Variants in PTPN14 observed in about 807,000 individuals in gnomAD.
The protein encoded by PTPN14 is protein tyrosine phosphatase non-receptor type 14, also known as tyrosine-protein phosphatase non-receptor type 14.
PTPN14 carries 53 observed loss-of-function variants against 126.8 expected under a neutral mutation model. The ratio of observed to expected loss-of-function variants is 0.42; its 90% CI spans 0.34 to 0.53. The LOEUF (loss-of-function observed/expected upper bound fraction) is 0.53, where lower values mean the gene tolerates loss of function less well. Among genes scored for constraint, PTPN14 ranks in the 20% least tolerant of loss-of-function variants. The probability of loss-of-function intolerance (pLI) is 0.08; values close to 1 mark genes in which losing one functional copy is unlikely to be tolerated. For synonymous variants in PTPN14, 630 were observed against 599.3 expected, an observed-to-expected ratio of 1.05 and a Z score of -0.75; for missense variants, 1,257 against 1,552.9, an observed-to-expected ratio of 0.81 and a Z score of 3.20.
chr1:214,454,201 G>A (rs6668558), intron 2 of PTPN14, among the ~76,000 whole-genome samples: 8,710 of 152,234 alleles, frequency 0.057, 300 homozygotes, highest in South Asian at 0.15. Flanking sequence ...TGGAGAAACA[G>A]AGGGCAACTT....
Position 214,481,232 on chromosome 1 carries a change from G to A in PTPN14, c.-154-16275C>T, listed in dbSNP as rs1296818482. ...AGCACAAGAATAAAAACTGCCGGGC[G>A]CAGTGGCTCACGCCTATAATCCCCA... On this transcript the variant is annotated intron_variant, in intron 1 of 18. Transcript: ENST00000366956. 3.9e-5 allele frequency among the ~76,000 whole-genome samples: 6 copies of A among 152,258 alleles called. No individual in the cohort carries two copies. In the South Asian group the frequency reaches 8.3e-4, roughly 21 times the overall value.
intron 3 of PTPN14, among the ~76,000 whole-genome samples, chr1:214,450,270 G>A (rs1271846135): frequency 4.6e-5 from 7 of 151,720 alleles, no homozygotes; most frequent in South Asian, 2.1e-4. Context: ...TCAGGAGTTC[G>A]AGACCAGCCT....
At chr1:214,520,330 G>A (rs140663312) in intron 1 of PTPN14, among the ~76,000 whole-genome samples, 172 of 152,006 alleles carry the variant, frequency 1.1e-3, no homozygotes, top group African/African-American at 3.5e-3. Context: ...TAAAAATGAC[G>A]AAACTGAGAA....
In PTPN14 at chr1:214,383,862, TG is replaced by T; in HGVS notation, c.1992del (p.Met665TrpfsTer40). 6.2e-7 allele frequency: 1 copy of T among 1,612,818 alleles called. No individual in the cohort carries two copies. On this transcript the variant is annotated frameshift_variant, in exon 13 of 19. Transcript: ENST00000366956. LOFTEE classifies it high-confidence loss of function. This position sits in a 1 kb window ranked among gnomAD's most constrained non-coding sequence, Gnocchi z 4.4. Reference sequence around the variant, plus strand: ...TCCCGGAGCGTGTTGCGGCGAGCCATGGGGAGGTGGAGCGACTTGAGCGTCA... The same window carrying T: ...TCCCGGAGCGTGTTGCGGCGAGCCATGGGAGGTGGAGCGACTTGAGCGTCA... ...EAMTLKSLHL[P>X]MARRNTLREQ...
Position 214,539,915 on chromosome 1 carries a change from C to T in PTPN14, c.-155+11268G>A, listed in dbSNP as rs188178787. Among the ~76,000 whole-genome samples, 75 of 152,282 alleles carry T rather than the reference C, an allele frequency of 4.9e-4. 1 individual carries two copies. The highest frequency in any genetic ancestry group is 3.4e-3 in the Admixed American group (52 of 15,292). On this transcript the variant is annotated intron_variant, in intron 1 of 18. Coordinates refer to ENST00000366956, the MANE Select transcript of PTPN14 (RefSeq NM_005401.5). ...TCAGCAGAAGCACTGCACAAATCAT[C>T]CTCCCCAGCCTTTATTTTTAGACAC...
chr1:214,537,318 T>A (rs927054828), intron 1 of PTPN14, among the ~76,000 whole-genome samples: 1 of 152,204 alleles, frequency 6.6e-6, no homozygotes, highest in African/African-American at 2.4e-5. Flanking sequence ...AACGTTTTCC[T>A]TTTTGCCTTT....
At chr1:214,412,360 TGAAA>T (rs1659327781) in intron 4 of PTPN14, among the ~76,000 whole-genome samples, 1 of 152,218 alleles carries the variant, frequency 6.6e-6, no homozygotes, top group Non-Finnish European at 1.5e-5. Context: ...TAAACTTGAA[TGAAA>T]TTTTAATTTC....
chr1:214,517,501 A>C lies in PTPN14; in HGVS notation c.-155+33682T>G, dbSNP rs1013072236. 5.9e-5 allele frequency among the ~76,000 whole-genome samples: 9 copies of C among 151,760 alleles called. No individual in the cohort carries two copies. In the East Asian group the frequency reaches 7.8e-4, roughly 13 times the overall value. On this transcript the variant is annotated intron_variant, in intron 1 of 18. Transcript: ENST00000366956. ...GAGCATAATATTAAAAAAAAAAAAAACATAAAGTAAGAAATACCCAAAAAT... is the reference window on the plus strand; with the variant it reads ...GAGCATAATATTAAAAAAAAAAAAACCATAAAGTAAGAAATACCCAAAAAT...
chr1:214,382,478 T>C (rs532599153), intron 13 of PTPN14, among the ~76,000 whole-genome samples: 1 of 152,322 alleles, frequency 6.6e-6, no homozygotes, highest in South Asian at 2.1e-4. Context: ...CCTGCCATCA[T>C]GTCTGGCTGG....
intron 1 of PTPN14, among the ~76,000 whole-genome samples, chr1:214,543,640 T>A (rs1045731300): frequency 2.7e-5 from 4 of 149,178 alleles, no homozygotes; most frequent in African/African-American, 9.8e-5. Context: ...TATAACACGT[T>A]TTTTTTTTTT....
intron 1 of PTPN14, among the ~76,000 whole-genome samples, chr1:214,465,526 T>C (rs11120332): frequency 0.83 from 125,733 of 152,032 alleles, 52,110 homozygotes; most frequent in African/African-American, 0.89. Context: ...GAGGCTGAGA[T>C]GGGAGGATCT....
At chr1:214,380,698 T>C (rs971567638) in intron 13 of PTPN14, among the ~76,000 whole-genome samples, 1 of 152,178 alleles carries the variant, frequency 6.6e-6, no homozygotes, top group Admixed American at 6.5e-5. Context: ...AGAGGGCCCT[T>C]AGAATGGCCA....
At chr1:214,372,959 T>A in intron 15 of PTPN14, 120 bp from the exon 16 acceptor site, 1 of 1,371,846 alleles carries the variant, frequency 7.3e-7, no homozygotes, top group Non-Finnish European at 9.8e-7. Flanking sequence ...CCGAATGAAT[T>A]AGTTCAATGA....
intron 1 of PTPN14, among the ~76,000 whole-genome samples, chr1:214,471,700 G>A (rs989638457): frequency 6.6e-6 from 1 of 152,206 alleles, no homozygotes; most frequent in Non-Finnish European, 1.5e-5. Flanking sequence ...AAAACTGACC[G>A]AGTAGAATGC....
rs116035094 is a variant in PTPN14 at position 214,533,214 on chromosome 1, G to A, written c.-155+17969C>T. On this transcript the variant is annotated intron_variant, in intron 1 of 18. Transcript: ENST00000366956. ...TCAACGAGATCCTGCTGCACCTGGC[G>A]TCAGGGCTGGCCCAGACCCAGGAAG... 8.1e-4 allele frequency: 551 copies of A among 679,226 alleles called. 3 individuals carry two copies. In the African/African-American group the frequency reaches 8.6e-3, roughly 11 times the overall value. 42.1% of individuals were successfully genotyped at this position (679,226 alleles called of 1,614,324 possible). A position where few individuals can be genotyped will look rare whatever the true frequency, so the allele number is the denominator to read the frequency against.
At chr1:214,451,685 C>T in intron 3 of PTPN14, 120 bp downstream of exon 3, 2 of 1,178,410 alleles carry the variant, frequency 1.7e-6, no homozygotes, top group Admixed American at 2.8e-5. Context: ...TACCCTCTCC[C>T]CCACCACACA....
intron 1 of PTPN14, chr1:214,532,978 G>C: frequency 2.6e-6 from 2 of 767,832 alleles, no homozygotes; most frequent in Middle Eastern, 3.5e-4. Context: ...AGAGGAGCTG[G>C]ACAAGTGCTG....
At chr1:214,404,070 A>G (rs966487127) in intron 5 of PTPN14, among the ~76,000 whole-genome samples, 3 of 152,178 alleles carry the variant, frequency 2.0e-5, no homozygotes, top group Admixed American at 1.3e-4. Context: ...CTAAAATACC[A>G]CTTATATAAA....
intron 3 of PTPN14, among the ~76,000 whole-genome samples, chr1:214,443,114 C>T (rs1428159644): frequency 2.6e-5 from 4 of 152,158 alleles, no homozygotes; most frequent in African/African-American, 9.7e-5. Context: ...TGAACCACCG[C>T]GCCCAGCCTA....
Sources: gnomAD v4.1 joint callset for allele counts (sites outside exome capture counted in the v4.1 genomes callset) on GRCh38, gnomAD v4.1.1 for gene constraint, Gnocchi (gnomAD v3.1) non-coding constraint, MANE v1.5 for transcripts, NCBI Gene and HGNC (gene_info 2026-07-23, HGNC 2026-07-21) for gene names.